The following NOTCH2 variants were observed in gnomAD, a reference collection of about 807,000 sequenced individuals.
NOTCH2 encodes notch receptor 2, also known as neurogenic locus notch homolog protein 2.
NOTCH2 carries 29 observed loss-of-function variants against 235.8 expected under a neutral mutation model. That is an observed-to-expected ratio of 0.12 (90% CI 0.09 to 0.17). NOTCH2 has a LOEUF of 0.17. Among genes scored for constraint, NOTCH2 ranks in the 10% least tolerant of loss-of-function variants. The pLI is 1.00. For synonymous variants in NOTCH2, 1,086 were observed against 1,141.5 expected, an observed-to-expected ratio of 0.95 and a Z score of 0.98; for missense variants, 2,285 against 3,150.2, an observed-to-expected ratio of 0.73 and a Z score of 6.57.
At position 119,915,156 on chromosome 1, in the gene NOTCH2, C is replaced by T; in HGVS notation, c.*150G>A. ...CCAGTGAAACTGACGAATTGCTTCT[C>T]TTGCATTATCTGAATAAGAACATCT... On this transcript the variant is annotated 3_prime_UTR_variant, in exon 34 of 34. Coordinates refer to ENST00000256646, the MANE Select transcript of NOTCH2 (RefSeq NM_024408.4). The T allele has an allele frequency of 1.2e-6, 1 of 803,432 alleles. No homozygotes were observed. Among genetic ancestry groups the T allele is most frequent in the East Asian group, 2.6e-5 (1 of 39,044 alleles). The allele number at this position is 803,432 out of a possible 1,614,324, so 49.8% of individuals were successfully genotyped here. A position where few individuals can be genotyped will look rare whatever the true frequency, so the allele number is the denominator to read the frequency against.
chr1:119,968,303 C>T, intron 6 of NOTCH2, 71 bp from the exon 7 acceptor site: 1 of 1,497,702 alleles, frequency 6.7e-7, no homozygotes. Flanking sequence ...TTCTCTTTCA[C>T]CCAGGAGGGA....
At chr1:120,045,658 A>T (rs1422057172) in intron 1 of NOTCH2, among the ~76,000 whole-genome samples, 1 of 152,200 alleles carries the variant, frequency 6.6e-6, no homozygotes, top group African/African-American at 2.4e-5. Context: ...TTAAGGAGAG[A>T]TACAACCTAA....
Position 119,941,613 on chromosome 1 carries a change from G to A in NOTCH2, c.2894C>T (p.Ser965Phe), listed in dbSNP as rs2101105255. ...GCAAGTGTAACTGTTGACGTAGTCA[G>A]AGCAGGTCCCTCCATTCTTACAGGG... ...SEPCKNGGTC[S>F]DYVNSYTCKC... Residue 965 changes from serine to phenylalanine, a missense_variant, in exon 18 of 34, where the codon TCT becomes TTT. Physicochemically the swap from Ser to Phe is radical, Grantham distance 155. Around this residue, in one of 6 missense-constraint regions of NOTCH2, gnomAD observed 1,173 missense variants for 1,515.3 expected, o/e 0.77. Coordinates refer to ENST00000256646, the MANE Select transcript of NOTCH2 (RefSeq NM_024408.4). 6.2e-7 allele frequency: 1 copy of A among 1,614,168 alleles called. No homozygotes were observed. The highest frequency in any genetic ancestry group is 1.1e-5 in the South Asian group (1 of 91,082).
intron 22 of NOTCH2, among the ~76,000 whole-genome samples, chr1:119,930,245 T>G (rs1224956581): frequency 6.6e-6 from 1 of 152,202 alleles, no homozygotes; most frequent in African/African-American, 2.4e-5. Flanking sequence ...TTTTTAAGTT[T>G]TATAATCACT....
In NOTCH2 at chr1:119,926,495, T is replaced by C. The variant is rs1301470258; in HGVS notation, c.4005+4A>G. ...CCTTCTTAGATGAGCAACAGGGCAC[T>C]TACCGGGGGACAACGGCAAATGAAA... On this transcript the variant is annotated splice_donor_region_variant and intron_variant, in intron 24 of 33. Transcript: ENST00000256646. The C allele has an allele frequency of 2.0e-5, 32 of 1,594,634 alleles. No individual in the cohort carries two copies. The East Asian group carries it at 7.1e-4, about 36-fold the overall frequency.
chr1:119,964,812 A>G (rs999753438), intron 10 of NOTCH2, among the ~76,000 whole-genome samples: 6 of 152,208 alleles, frequency 3.9e-5, no homozygotes, highest in African/African-American at 7.2e-5. Context: ...GTGTAAAAGG[A>G]AATGTGTAAT....
rs782633421 is a variant in NOTCH2 at position 119,968,158 on chromosome 1, G to A, written c.1183C>T (p.Leu395=). 1.2e-6 allele frequency: 2 copies of A among 1,614,086 alleles called. No homozygotes were observed. The highest frequency in any genetic ancestry group is 4.5e-5 in the East Asian group (2 of 44,864). ...CAGGTGCAAATATATTGCCCATTTA[G>A]GGGGTTGGTGTCACACAGTGCCCCC... is the stretch of plus-strand genomic sequence containing the variant. The part of the protein sequence containing the change: ...HKGALCDTNP[L]NGQYICTCPQ... The change falls in exon 7 of 34, where the codon CTA becomes TTA. Residue 395 remains leucine (L), a synonymous_variant. Transcript: ENST00000256646.
Position 119,919,639 on chromosome 1 carries a change from G to A in NOTCH2, c.5480-26C>T, listed in dbSNP as rs370290586. On this transcript the variant is annotated intron_variant, in intron 30 of 33. Transcript: ENST00000256646. Reference sequence around the variant, plus strand: ...CTGTAGGAATGGAAAATTCCATAAAGTACTCAAGAAGGAGAAGGTAGTTAA... The same window carrying A: ...CTGTAGGAATGGAAAATTCCATAAAATACTCAAGAAGGAGAAGGTAGTTAA... 8.1e-6 allele frequency: 13 copies of A among 1,609,802 alleles called. No individual in the cohort carries two copies. The African/African-American group carries it at 1.1e-4, about 13-fold the overall frequency.
rs1393184461 is a variant in NOTCH2, at chr1:119,915,216, TTTC to T, written c.*87_*89del. 2.2e-6 allele frequency: 3 copies of T among 1,338,008 alleles called. No homozygotes were observed. Among genetic ancestry groups the T allele is most frequent in the South Asian group, 2.4e-5 (2 of 85,080 alleles). 82.9% of individuals were successfully genotyped at this position (1,338,008 alleles called of 1,614,324 possible). A position where few individuals can be genotyped will look rare whatever the true frequency, so the allele number is the denominator to read the frequency against. On this transcript the variant is annotated 3_prime_UTR_variant, in exon 34 of 34. Transcript: ENST00000256646. ...TACCTCTAGAAGCTGGCTCCAGAGA[TTTC>T]TTCATTTCTCTCCCGGATGACCTTC...
At position 119,915,990 on chromosome 1, in the gene NOTCH2, G is replaced by A. The variant is rs2101143239; in HGVS notation, c.6732C>T (p.Leu2244=). 1 of 1,613,940 alleles carries A rather than the reference G, an allele frequency of 6.2e-7. No homozygotes were observed. Residue 2244 remains leucine, a synonymous_variant, in exon 34 of 34, where the codon CTC becomes CTT. Transcript: ENST00000256646. ...GSGSAGSLSR[L]HPVPVPADWM... Reference sequence around the variant, plus strand: ...AATCTGCTGGGACTGGGACTGGATGGAGCCTACTCAAGCTTCCAGCACTGC... The same window carrying A: ...AATCTGCTGGGACTGGGACTGGATGAAGCCTACTCAAGCTTCCAGCACTGC...
At chr1:119,987,477 A>T (rs12132511) in intron 4 of NOTCH2, among the ~76,000 whole-genome samples, 2,363 of 152,290 alleles carry the variant, frequency 0.016, 28 homozygotes, top group Non-Finnish European at 0.021. Context: ...ACCTAATTAA[A>T]TTTAAGTTCC....
chr1:119,981,815 G>A (rs1553201676), intron 5 of NOTCH2, among the ~76,000 whole-genome samples: 1 of 152,026 alleles, frequency 6.6e-6, no homozygotes, highest in African/African-American at 2.4e-5. Context: ...GCTTACAGCA[G>A]AAAAATTGAA....
chr1:119,998,071 A>G (rs1293678928), intron 3 of NOTCH2, among the ~76,000 whole-genome samples: 1 of 145,462 alleles, frequency 6.9e-6, no homozygotes, highest in Admixed American at 6.9e-5. Context: ...CTGTAAAGTC[A>G]TCCTTAGTGC....
chr1:119,946,904 A>G (rs1422824540), intron 17 of NOTCH2, among the ~76,000 whole-genome samples: 1 of 152,156 alleles, frequency 6.6e-6, no homozygotes, highest in Non-Finnish European at 1.5e-5. Flanking sequence ...TTGTATCTGT[A>G]GAAAATCCTA....
chr1:119,931,697 T>C (rs1484918512), intron 22 of NOTCH2, among the ~76,000 whole-genome samples: 1 of 151,950 alleles, frequency 6.6e-6, no homozygotes, highest in Non-Finnish European at 1.5e-5. Flanking sequence ...CAATAAATTG[T>C]GTATTAACAA....
intron 11 of NOTCH2, among the ~76,000 whole-genome samples, chr1:119,962,019 G>A (rs1553199032): frequency 1.3e-5 from 2 of 152,062 alleles, no homozygotes; most frequent in African/African-American, 4.8e-5. Flanking sequence ...TTGTCTGACC[G>A]TTGCTTGCTT....
At chr1:120,009,120 G>A (rs1353841377) in intron 2 of NOTCH2, among the ~76,000 whole-genome samples, 2 of 152,122 alleles carry the variant, frequency 1.3e-5, no homozygotes, top group South Asian at 4.2e-4. Flanking sequence ...AAATGCAAAG[G>A]CCATAACACA....
chr1:119,930,797 T>C (rs1377992652), intron 22 of NOTCH2, among the ~76,000 whole-genome samples: 3 of 120,400 alleles, frequency 2.5e-5, no homozygotes, highest in Non-Finnish European at 5.3e-5. Flanking sequence ...ATAATAATCA[T>C]AATTAAAAAA....
Position 119,955,063 on chromosome 1 carries a change from T to C in NOTCH2, c.2196A>G (p.Gly732=), listed in dbSNP as rs782101275. Residue 732 remains glycine (G), a synonymous_variant, in exon 13 of 34, where the codon GGA becomes GGG. Transcript: ENST00000256646. ...NECLSNPCIH[G]NCTGGLSGYK... ...ACCCACTGAGACCTCCAGTACAGTT[T>C]CCATGGATGCAGGGATTGCTCAGGC... The C allele has an allele frequency of 6.2e-7, 1 of 1,613,934 alleles. No homozygotes were observed. Among genetic ancestry groups the C allele is most frequent in the Non-Finnish European group, 8.5e-7 (1 of 1,179,944 alleles).
Sources: allele counts gnomAD v4.1 joint callset (sites outside exome capture counted in the v4.1 genomes callset), GRCh38; gene constraint gnomAD v4.1.1; regional missense constraint gnomAD v4.1.1; transcripts MANE v1.5; gene names NCBI Gene and HGNC (gene_info 2026-07-23, HGNC 2026-07-21).